The following RGS6 variants were observed in gnomAD, a reference collection of about 807,000 sequenced individuals.
RGS6 encodes regulator of G protein signaling 6, also known as regulator of G-protein signaling 6.
Under a neutral mutation model 78.5 loss-of-function variants are expected in RGS6, and 30 were observed. The observed-to-expected ratio is 0.38, with a 90% CI of 0.29 to 0.52. The LOEUF is 0.52. Among genes scored for constraint, RGS6 ranks in the 20% least tolerant of loss-of-function variants. RGS6 has a pLI of 0.85. For missense variants in RGS6, 495 were observed against 609.7 expected, an observed-to-expected ratio of 0.81 and a Z score of 1.98; for synonymous variants, 206 against 206.0, an observed-to-expected ratio of 1.00 and a Z score of 0.00.
chr14:72,146,412 TAACTC>T (rs1269964641), intron 2 of RGS6, among the ~76,000 whole-genome samples: 1 of 152,330 alleles, frequency 6.6e-6, no homozygotes, highest in Non-Finnish European at 1.5e-5. Flanking sequence ...CTAAAAATCT[TAACTC>T]ATTCCAACAT....
At chr14:72,083,905 G>A (rs1237660282) in intron 2 of RGS6, among the ~76,000 whole-genome samples, 1 of 152,130 alleles carries the variant, frequency 6.6e-6, no homozygotes, top group African/African-American at 2.4e-5. Context: ...CAGGTAGGGA[G>A]ATCATTCAAG....
At chr14:72,336,822 G>T (rs2076109447) in intron 2 of RGS6, among the ~76,000 whole-genome samples, 5 of 152,030 alleles carry the variant, frequency 3.3e-5, no homozygotes, top group African/African-American at 1.2e-4. Context: ...GAAAGGATCT[G>T]TTCCCAGCCT....
chr14:72,043,446 G>C (rs932687923), intron 2 of RGS6, among the ~76,000 whole-genome samples: 10 of 150,970 alleles, frequency 6.6e-5, no homozygotes, highest in Admixed American at 6.6e-4. Flanking sequence ...AATTCCCTCA[G>C]TTTTTGTTTG....
the RGS6 span, among the ~76,000 whole-genome samples, chr14:72,623,843 A>C: frequency 3.7e-4 from 56 of 152,336 alleles, no homozygotes; most frequent in African/African-American, 1.3e-3. Flanking sequence ...ACCATTGCCC[A>C]CTAAAAGGAA....
chr14:72,413,890 A>G (rs939067134), intron 3 of RGS6, among the ~76,000 whole-genome samples: 8 of 152,226 alleles, frequency 5.3e-5, no homozygotes, highest in African/African-American at 1.7e-4. Flanking sequence ...AATGTTGAAT[A>G]TTGGTCCCCA....
chr14:72,284,070 T>G (rs971196392), intron 2 of RGS6, among the ~76,000 whole-genome samples: 4 of 152,168 alleles, frequency 2.6e-5, no homozygotes, highest in African/African-American at 9.7e-5. Context: ...ATTTAGGGTA[T>G]CTGGCAGAAG....
In RGS6 at chr14:71,936,014, G is replaced by A. The variant is rs1199617103; in HGVS notation, c.-21+3073G>A. ...TTCTCTTAGAGGGACAGAACTAATA[G>A]GATATATATATATATATATATATAT... On this transcript the variant is annotated intron_variant, in intron 1 of 17. Transcript: ENST00000553525. Among the ~76,000 whole-genome samples, 106 of 10,722 alleles carry A rather than the reference G, an allele frequency of 9.9e-3. 1 individual carries two copies. The highest frequency in any genetic ancestry group is 0.026 in the Non-Finnish European group (73 of 2,762). 7.0% of individuals were successfully genotyped at this position (10,722 alleles called of 152,430 possible).
intron 2 of RGS6, among the ~76,000 whole-genome samples, chr14:72,207,154 C>T (rs1372791173): frequency 6.6e-6 from 1 of 152,130 alleles, no homozygotes; most frequent in East Asian, 1.9e-4. Context: ...AATGTAATTA[C>T]TATTAATCTT....
intron 2 of RGS6, among the ~76,000 whole-genome samples, chr14:72,052,995 C>T (rs75289741): frequency 0.072 from 5,883 of 81,466 alleles, 375 homozygotes; most frequent in Non-Finnish European, 0.12. Flanking sequence ...CTCTCTCTCT[C>T]TCTCTCTCTC....
At chr14:72,036,206 T>TTAC (rs2091687900) in intron 2 of RGS6, among the ~76,000 whole-genome samples, 1 of 149,934 alleles carries the variant, frequency 6.7e-6, no homozygotes, top group East Asian at 1.9e-4. Context: ...AAACATATTA[T>TTAC]TATTATTATT....
intron 17 of RGS6, among the ~76,000 whole-genome samples, chr14:72,543,030 T>G (rs2097346862): frequency 6.6e-6 from 1 of 152,162 alleles, no homozygotes; most frequent in African/African-American, 2.4e-5. Context: ...TCCAGGTTAC[T>G]CAGGACTTGG....
intron 2 of RGS6, among the ~76,000 whole-genome samples, chr14:72,259,781 G>T (rs1389046110): frequency 6.6e-6 from 1 of 151,908 alleles, no homozygotes; most frequent in East Asian, 1.9e-4. Context: ...CGCGGTGGCA[G>T]GCGCCTGTAG....
At chr14:72,484,087 C>T (rs1266055577) in intron 12 of RGS6, among the ~76,000 whole-genome samples, 1 of 152,200 alleles carries the variant, frequency 6.6e-6, no homozygotes, top group East Asian at 1.9e-4. Context: ...TGTCCTGGTT[C>T]TCTGTTGTGC....
At chr14:72,118,136 G>A (rs1005505769) in intron 2 of RGS6, among the ~76,000 whole-genome samples, 7 of 151,414 alleles carry the variant, frequency 4.6e-5, no homozygotes, top group African/African-American at 9.8e-5. Flanking sequence ...TGTGAGTGCT[G>A]GGCCCCACCC....
chr14:71,889,226 G>T, the RGS6 span, among the ~76,000 whole-genome samples: 2 of 152,130 alleles, frequency 1.3e-5, no homozygotes, highest in Non-Finnish European at 2.9e-5. Flanking sequence ...TGGTGTGTTT[G>T]ACGTAGGAGG....
At chr14:72,243,146 G>A (rs529009191) in intron 2 of RGS6, among the ~76,000 whole-genome samples, 5 of 152,068 alleles carry the variant, frequency 3.3e-5, no homozygotes, top group Middle Eastern at 3.4e-3. Flanking sequence ...CACTGCACCC[G>A]GCCTTCCAAC....
At chr14:72,131,686 A>G (rs2096320519) in intron 2 of RGS6, among the ~76,000 whole-genome samples, 1 of 152,218 alleles carries the variant, frequency 6.6e-6, no homozygotes, top group Admixed American at 6.5e-5. Flanking sequence ...ATTAGGATAG[A>G]CTGAATAATT....
intron 13 of RGS6, among the ~76,000 whole-genome samples, chr14:72,505,825 G>A (rs1176926550): frequency 1.3e-5 from 2 of 152,206 alleles, no homozygotes; most frequent in Non-Finnish European, 2.9e-5. Context: ...CTTACACCAT[G>A]TGTAGCACTA....
intron 4 of RGS6, among the ~76,000 whole-genome samples, chr14:72,456,191 A>G (rs2095625100): frequency 6.6e-6 from 1 of 152,204 alleles, no homozygotes; most frequent in Non-Finnish European, 1.5e-5. Context: ...AGCTGGGAAT[A>G]GTCTAAGGGG....
Sources: gnomAD v4.1 joint callset for allele counts (sites outside exome capture counted in the v4.1 genomes callset) on GRCh38, gnomAD v4.1.1 for gene constraint, MANE v1.5 for transcripts, NCBI Gene and HGNC (gene_info 2026-07-23, HGNC 2026-07-21) for gene names.